ARHGEF7: variants seen among roughly 807,000 people sequenced by gnomAD.
ARHGEF7 encodes the protein Rho guanine nucleotide exchange factor 7, also known as PAK-interacting exchange factor beta.
A neutral mutation model predicts 109.8 loss-of-function variants in ARHGEF7; 33 were observed. The ratio of observed to expected loss-of-function variants is 0.30; its 90% CI spans 0.23 to 0.40. The LOEUF (loss-of-function observed/expected upper bound fraction) is 0.40. ARHGEF7 is among the 10% of genes least tolerant of loss of function. The pLI, the probability that ARHGEF7 is intolerant of heterozygous loss-of-function variation, is 1.00. For synonymous variants in ARHGEF7, 458 were observed against 424.6 expected, an observed-to-expected ratio of 1.08 and a Z score of -0.97; for missense variants, 938 against 1,098.5, an observed-to-expected ratio of 0.85 and a Z score of 2.07.
Position 111,115,450 on chromosome 13 carries a change from G to GGCGGGGGCC in ARHGEF7, c.-71_-63dup. 1.0e-6 allele frequency: 1 copy of GGCGGGGGCC among 981,922 alleles called. No individual in the cohort carries two copies. The highest frequency in any genetic ancestry group is 1.2e-6 in the Non-Finnish European group (1 of 827,278). 60.8% of individuals were successfully genotyped at this position (981,922 alleles called of 1,614,324 possible). On this transcript the variant is annotated 5_prime_UTR_variant, in exon 1 of 22. Coordinates refer to ENST00000646102, the MANE Select transcript of ARHGEF7 (RefSeq NM_001354046.2). ...CGATGGGCGAGGCGGCGGCGGCGGCGGCGGGGGCCGCGGGCCGGGCCGCCG... is the reference window on the plus strand; with the variant it reads ...CGATGGGCGAGGCGGCGGCGGCGGCGGCGGGGGCCGCGGGGGCCGCGGGCCGGGCCGCCG...
intron 5 of ARHGEF7, among the ~76,000 whole-genome samples, chr13:111,221,561 ATATATATAGATACATATCTATATATATC>A (rs1566877008): frequency 8.6e-5 from 4 of 46,584 alleles, no homozygotes; most frequent in Non-Finnish European, 8.1e-5. Flanking sequence ...CTATATATCT[ATATATATAGATACATATCTATATATATC>A]TATATATAGA....
intron 5 of ARHGEF7, among the ~76,000 whole-genome samples, 156 bp downstream of exon 5, chr13:111,218,036 C>G (rs914572616): frequency 6.6e-6 from 1 of 152,218 alleles, no homozygotes; most frequent in African/African-American, 2.4e-5. Context: ...TCACCTCAGC[C>G]CCACATTGGG....
chr13:111,221,521 A>AG (rs1566876013), intron 5 of ARHGEF7, among the ~76,000 whole-genome samples: 46 of 33,962 alleles, frequency 1.4e-3, no homozygotes, highest in Non-Finnish European at 2.2e-3. Flanking sequence ...ATAGATATAT[A>AG]TCTATATATA....
intron 2 of ARHGEF7, among the ~76,000 whole-genome samples, chr13:111,154,463 C>T (rs944939840): frequency 6.6e-6 from 1 of 152,166 alleles, no homozygotes; most frequent in African/African-American, 2.4e-5. Context: ...GCCAGCCCTC[C>T]GCCTGCTTCT....
At chr13:111,182,347 A>G (rs368297938) in intron 2 of ARHGEF7, 2 of 152,336 alleles carry the variant, frequency 1.3e-5, no homozygotes, top group Admixed American at 6.5e-5. Context: ...TGTGTCATAC[A>G]GTGGACCTTC....
rs115642586 is a variant in ARHGEF7 at position 111,284,288 on chromosome 13, A to G, written c.1950+925A>G. Among the ~76,000 whole-genome samples, 551 of 152,252 alleles carry G rather than the reference A, an allele frequency of 3.6e-3. 4 individuals carry two copies. Among genetic ancestry groups the G allele is most frequent in the African/African-American group, 0.012 (513 of 41,540 alleles). On this transcript the variant is annotated intron_variant, in intron 16 of 21. Coordinates refer to ENST00000646102, the MANE Select transcript of ARHGEF7 (RefSeq NM_001354046.2). ...AAGGGAACTGGAGCAGACTTTTTCT[A>G]CATTCTTGCCGGCAGCCCTGGGGGT...
chr13:111,194,062 A>T (rs2080214870), intron 2 of ARHGEF7, among the ~76,000 whole-genome samples: 1 of 152,090 alleles, frequency 6.6e-6, no homozygotes, highest in African/African-American at 2.4e-5. Context: ...TGTTATTTTG[A>T]TAGCCTCTGA....
At chr13:111,221,833 CGTATATGT>C (rs1161970179) in intron 5 of ARHGEF7, among the ~76,000 whole-genome samples, 2 of 151,486 alleles carry the variant, frequency 1.3e-5, no homozygotes, top group African/African-American at 4.9e-5. Context: ...TGTACGTGTA[CGTATATGT>C]GTATATGTAT....
intron 8 of ARHGEF7, among the ~76,000 whole-genome samples, chr13:111,254,684 G>T (rs75398158): frequency 0.054 from 929 of 17,100 alleles, 17 homozygotes; most frequent in Non-Finnish European, 0.076. Context: ...CGTGAAGGCC[G>T]GGCCCAGAAG....
chr13:111,215,622 G>A lies in ARHGEF7; in HGVS notation c.469-2057G>A, dbSNP rs571457814. 2.0e-5 allele frequency among the ~76,000 whole-genome samples: 3 copies of A among 152,280 alleles called. No individual in the cohort carries two copies. In the East Asian group the frequency reaches 5.8e-4, roughly 29 times the overall value. On this transcript the variant is annotated intron_variant, in intron 4 of 21. Coordinates refer to ENST00000646102, the MANE Select transcript of ARHGEF7 (RefSeq NM_001354046.2). ...CTTACCTTTCTAATATTTTGTTTTC[G>A]AGAATTAGTAATTCTCGTTTCTTTG...
intron 15 of ARHGEF7, among the ~76,000 whole-genome samples, chr13:111,281,411 G>A (rs372759761): frequency 2.6e-5 from 4 of 152,014 alleles, no homozygotes; most frequent in East Asian, 3.9e-4. Context: ...ATCCTTATTA[G>A]GCTATTAGGA....
chr13:111,224,989 G>A (rs1360786714), intron 5 of ARHGEF7, among the ~76,000 whole-genome samples: 4 of 152,204 alleles, frequency 2.6e-5, no homozygotes, highest in Admixed American at 2.6e-4. Context: ...GGCCCCCCGA[G>A]GCAGGCGTAG....
chr13:111,275,381 C>T, intron 11 of ARHGEF7, 151 bp from the exon 12 acceptor site: 1 of 888,230 alleles, frequency 1.1e-6, no homozygotes, highest in Non-Finnish European at 1.7e-6. Flanking sequence ...TTTCAATTCC[C>T]TATAATTAAG....
intron 5 of ARHGEF7, among the ~76,000 whole-genome samples, chr13:111,230,449 A>G (rs989267288): frequency 1.3e-5 from 2 of 152,172 alleles, no homozygotes; most frequent in African/African-American, 4.8e-5. Flanking sequence ...AAGGCTTCCT[A>G]GGCTGCCCGG....
intron 2 of ARHGEF7, among the ~76,000 whole-genome samples, chr13:111,194,029 C>T (rs1233891225): frequency 2.0e-5 from 3 of 152,168 alleles, no homozygotes; most frequent in Non-Finnish European, 4.4e-5. Context: ...ATGAGTAGTC[C>T]AGACAGTGAG....
intron 5 of ARHGEF7, among the ~76,000 whole-genome samples, chr13:111,231,711 G>A (rs576090162): frequency 6.6e-6 from 1 of 152,180 alleles, no homozygotes; most frequent in Non-Finnish European, 1.5e-5. Context: ...CACTGAGATT[G>A]TGGATGGGGG....
intron 8 of ARHGEF7, among the ~76,000 whole-genome samples, chr13:111,260,374 A>G (rs1203246169): frequency 6.6e-6 from 1 of 152,110 alleles, no homozygotes; most frequent in African/African-American, 2.4e-5. Flanking sequence ...CAGAGAGAGA[A>G]ACAAATACCA....
rs926780624 is a variant in ARHGEF7, at chr13:111,255,410, T to A, written c.950+11116T>A. Among the ~76,000 whole-genome samples the A allele has an allele frequency of 5.9e-5, 9 of 152,328 alleles. No individual in the cohort carries two copies. Reference sequence around the variant, plus strand: ...ACCTGCCTCATGTTGCTTGCCCATGTCTGTCCCAGTGTCCTCATCTATAAA... The same window carrying A: ...ACCTGCCTCATGTTGCTTGCCCATGACTGTCCCAGTGTCCTCATCTATAAA... On this transcript the variant is annotated intron_variant, in intron 8 of 21. Coordinates refer to ENST00000646102, the MANE Select transcript of ARHGEF7 (RefSeq NM_001354046.2). This position sits in a 1 kb window ranked among gnomAD's most constrained non-coding sequence, Gnocchi z 4.1.
Position 111,145,805 on chromosome 13 carries a change from G to A in ARHGEF7, c.166-8100G>A, listed in dbSNP as rs770612694. 1.5e-4 allele frequency among the ~76,000 whole-genome samples: 23 copies of A among 152,156 alleles called. No individual in the cohort carries two copies. The highest frequency in any genetic ancestry group is 2.1e-4 in the Non-Finnish European group (14 of 68,018). On this transcript the variant is annotated intron_variant, in intron 1 of 21. Transcript: ENST00000646102. This position sits in a 1 kb window ranked among gnomAD's most constrained non-coding sequence, Gnocchi z 4.3. Reference sequence around the variant, plus strand: ...GCTGGTGCAGGTTGGTGAAATCCACGGGCTGTGTAGTTTTGGACCTGACAT... The same window carrying A: ...GCTGGTGCAGGTTGGTGAAATCCACAGGCTGTGTAGTTTTGGACCTGACAT...
Sources: gnomAD v4.1 joint callset for allele counts (sites outside exome capture counted in the v4.1 genomes callset) on GRCh38, gnomAD v4.1.1 for gene constraint, Gnocchi (gnomAD v3.1) non-coding constraint, MANE v1.5 for transcripts, NCBI Gene and HGNC (gene_info 2026-07-23, HGNC 2026-07-21) for gene names.